The following CARNMT1 variants were observed in gnomAD, a reference collection of about 807,000 sequenced individuals.
CARNMT1 encodes the protein carnosine N-methyltransferase 1.
Under a neutral mutation model 49.6 loss-of-function variants are expected in CARNMT1, and 28 were observed. That is an observed-to-expected ratio of 0.56 (90% CI 0.42 to 0.77). The LOEUF (loss-of-function observed/expected upper bound fraction) is 0.77, where lower values mean the gene tolerates loss of function less well. CARNMT1 is among the 30% of genes least tolerant of loss of function. CARNMT1 has a pLI of 0.00. For synonymous variants in CARNMT1, 178 were observed against 175.0 expected (o/e 1.02, Z -0.13); for missense variants, 421 against 512.6 (o/e 0.82, Z 1.73).
In CARNMT1 at chr9:74,984,893, T is replaced by G. The variant is rs750104250; in HGVS notation, c.1128+14A>C. ...TGGGAGTTAAACTTTGGCAATATTTTATTCCATTCTTACCTCTACCTTGAA... is the reference window on the plus strand; with the variant it reads ...TGGGAGTTAAACTTTGGCAATATTTGATTCCATTCTTACCTCTACCTTGAA... On this transcript the variant is annotated intron_variant, in intron 7 of 7. Coordinates refer to ENST00000376834, the MANE Select transcript of CARNMT1 (RefSeq NM_152420.3). The G allele has an allele frequency of 9.6e-6, 15 of 1,568,048 alleles. 1 individual carries two copies. The South Asian group carries it at 1.2e-4, about 13-fold the overall frequency.
intron 4 of CARNMT1, 49 bp from the exon 5 acceptor site, chr9:74,998,825 G>T: frequency 8.5e-7 from 1 of 1,177,990 alleles, no homozygotes; most frequent in Non-Finnish European, 1.2e-6. Context: ...ATTTTACCAA[G>T]AAAATCCACT....
chr9:75,009,774 T>C (rs1833629225), intron 3 of CARNMT1: 1 of 152,088 alleles, frequency 6.6e-6, no homozygotes, highest in South Asian at 2.1e-4. Flanking sequence ...CTACTATTCC[T>C]TTACATACAA....
In CARNMT1 at chr9:75,017,397, A is replaced by AG. The variant is rs1404597203; in HGVS notation, c.281_282insC (p.Pro95SerfsTer3). 1 of 1,614,114 alleles carries AG rather than the reference A, an allele frequency of 6.2e-7. No homozygotes were observed. Among genetic ancestry groups the AG allele is most frequent in the Non-Finnish European group, 8.5e-7 (1 of 1,179,988 alleles). On this transcript the variant is annotated frameshift_variant, in exon 2 of 8. Coordinates refer to ENST00000376834, the MANE Select transcript of CARNMT1 (RefSeq NM_152420.3). LOFTEE classifies it high-confidence loss of function. ...GAAGTAGTTTCTGTTGGTTAGCTGG[A>AG]AGTGATCGAAACTGTCTTTCTGTTC...
rs1320456475 is a variant in CARNMT1, at chr9:74,996,580, T to C, written c.911-20A>G. The C allele has an allele frequency of 7.5e-7, 1 of 1,333,346 alleles. No individual in the cohort carries two copies. The highest frequency in any genetic ancestry group is 2.2e-5 in the Admixed American group (1 of 45,916). 82.6% of individuals were successfully genotyped at this position (1,333,346 alleles called of 1,614,324 possible). Reference sequence around the variant, plus strand: ...AGGTATCTAATGAAGAAAAATCAAATTACTGCATCTGTTATGTTATTTTGC... The same window carrying C: ...AGGTATCTAATGAAGAAAAATCAAACTACTGCATCTGTTATGTTATTTTGC... On this transcript the variant is annotated intron_variant, in intron 5 of 7. Transcript: ENST00000376834.
intron 3 of CARNMT1, among the ~76,000 whole-genome samples, chr9:75,007,433 C>CT (rs973932345): frequency 6.6e-6 from 1 of 151,888 alleles, no homozygotes; most frequent in Non-Finnish European, 1.5e-5. Context: ...CTTTAGAAAA[C>CT]TTTAAGAAAA....
intron 4 of CARNMT1, 21 bp downstream of exon 4, chr9:74,999,709 A>T: frequency 1.3e-6 from 2 of 1,584,792 alleles, no homozygotes; most frequent in Non-Finnish European, 1.7e-6. Flanking sequence ...TACTATTTCC[A>T]GCAAAAAATA....
chr9:75,012,599 A>T (rs1833726608), intron 3 of CARNMT1, among the ~76,000 whole-genome samples: 2 of 152,072 alleles, frequency 1.3e-5, no homozygotes, highest in Non-Finnish European at 2.9e-5. Context: ...TCAAGTTTTA[A>T]GAATTTTTTA....
rs1832715954 is a variant in CARNMT1 at position 74,982,538 on chromosome 9, T to G, written c.*1229A>C. On this transcript the variant is annotated 3_prime_UTR_variant, in exon 8 of 8. Transcript: ENST00000376834. ...TATCAGGGAACAAAATTGGTATTAATCTGAAATTACATGATGGCTGCTGCT... is the reference window on the plus strand; with the variant it reads ...TATCAGGGAACAAAATTGGTATTAAGCTGAAATTACATGATGGCTGCTGCT... 6.6e-6 allele frequency: 1 copy of G among 152,188 alleles called. No homozygotes were observed. 9.4% of individuals were successfully genotyped at this position (152,188 alleles called of 1,614,324 possible). A position where few individuals can be genotyped will look rare whatever the true frequency, so the allele number is the denominator to read the frequency against.
chr9:75,028,212 G>C lies in CARNMT1; in HGVS notation c.30C>G (p.Pro10=), dbSNP rs748514274. The C allele has an allele frequency of 7.0e-7, 1 of 1,420,286 alleles. No individual in the cohort carries two copies. Among genetic ancestry groups the C allele is most frequent in the African/African-American group, 1.5e-5 (1 of 66,212 alleles). 88.0% of individuals were successfully genotyped at this position (1,420,286 alleles called of 1,614,324 possible). A position where few individuals can be genotyped will look rare whatever the true frequency, so the allele number is the denominator to read the frequency against. MQRRRRPPP[P]TSRLPEGCGG... is the part of the protein sequence containing the mutation. ...CGCAGCCCTCGGGCAGCCGGGAGGT[G>C]GGCGGCGGAGGGCGACGCCGTCGCT... The change falls in exon 1 of 8, where the codon CCC becomes CCG. Residue 10 remains proline (P), a synonymous_variant. Transcript: ENST00000376834.
intron 3 of CARNMT1, among the ~76,000 whole-genome samples, chr9:75,007,007 A>T (rs971277342): frequency 2.0e-5 from 3 of 152,204 alleles, no homozygotes; most frequent in African/African-American, 7.2e-5. Context: ...GCCAGAAATG[A>T]TGTTGATATA....
intron 4 of CARNMT1, 29 bp from the exon 5 acceptor site, chr9:74,998,805 TTAAC>T: frequency 7.3e-7 from 1 of 1,373,728 alleles, no homozygotes; most frequent in South Asian, 1.7e-5. Flanking sequence ...AAATCAGGTG[TTAAC>T]TAAATATTTT....
rs1832733333 is a variant in CARNMT1, at chr9:74,983,265, A to C, written c.*502T>G. The C allele has an allele frequency of 6.6e-6, 1 of 151,756 alleles. No individual in the cohort carries two copies. Among genetic ancestry groups the C allele is most frequent in the Non-Finnish European group, 1.5e-5 (1 of 67,954 alleles). 9.4% of individuals were successfully genotyped at this position (151,756 alleles called of 1,614,324 possible). A position where few individuals can be genotyped will look rare whatever the true frequency, so the allele number is the denominator to read the frequency against. ...CTGTCTCTGAAGAAAAAAAAAAAAAAAGACATATTTTACGCATAGTTTTCT... is the reference window on the plus strand; with the variant it reads ...CTGTCTCTGAAGAAAAAAAAAAAAACAGACATATTTTACGCATAGTTTTCT... On this transcript the variant is annotated 3_prime_UTR_variant, in exon 8 of 8. Coordinates refer to ENST00000376834, the MANE Select transcript of CARNMT1 (RefSeq NM_152420.3).
chr9:75,001,602 C>T (rs182614280), intron 3 of CARNMT1, among the ~76,000 whole-genome samples: 1 of 152,242 alleles, frequency 6.6e-6, no homozygotes, highest in African/African-American at 2.4e-5. Flanking sequence ...TGCATTAAAA[C>T]AAACCCTCTA....
At chr9:75,022,575 C>T (rs1822404303) in intron 1 of CARNMT1, among the ~76,000 whole-genome samples, 1 of 152,080 alleles carries the variant, frequency 6.6e-6, no homozygotes, top group Non-Finnish European at 1.5e-5. Flanking sequence ...CAAAAAGACT[C>T]CATAAATTTA....
chr9:74,985,510 T>C (rs1052140817), intron 6 of CARNMT1, among the ~76,000 whole-genome samples: 2 of 152,112 alleles, frequency 1.3e-5, no homozygotes, highest in African/African-American at 4.8e-5. Context: ...GCACTGTTCA[T>C]ATCCCAGCTC....
At chr9:74,999,664 A>G in intron 4 of CARNMT1, 66 bp downstream of exon 4, 1 of 1,436,700 alleles carries the variant, frequency 7.0e-7, no homozygotes, top group Non-Finnish European at 9.5e-7. Flanking sequence ...AAAATTGTTC[A>G]AGAAAATAGG....
At chr9:75,025,451 T>C (rs1822496610) in intron 1 of CARNMT1, among the ~76,000 whole-genome samples, 1 of 152,234 alleles carries the variant, frequency 6.6e-6, no homozygotes, top group African/African-American at 2.4e-5. Context: ...CTTTGCTTGT[T>C]TACATTTATC....
intron 2 of CARNMT1, chr9:75,016,716 TC>T (rs1289586584): frequency 3.0e-6 from 1 of 330,054 alleles, no homozygotes; most frequent in Non-Finnish European, 5.5e-6. Flanking sequence ...AGACCGAACA[TC>T]CTCTCTAAGA....
chr9:75,022,096 G>T (rs1822383172), intron 1 of CARNMT1, among the ~76,000 whole-genome samples: 1 of 151,718 alleles, frequency 6.6e-6, no homozygotes, highest in African/African-American at 2.4e-5. Flanking sequence ...CAACTACTGG[G>T]CATTTAGACA....
Sources: allele counts gnomAD v4.1 joint callset (sites outside exome capture counted in the v4.1 genomes callset), GRCh38; gene constraint gnomAD v4.1.1; transcripts MANE v1.5; gene names NCBI Gene and HGNC (gene_info 2026-07-23, HGNC 2026-07-21).